NSD2: variants seen among roughly 807,000 people sequenced by gnomAD.
The protein encoded by NSD2 is histone-lysine N-methyltransferase NSD2.
A neutral mutation model predicts 139.0 loss-of-function variants in NSD2; 12 were observed. The observed-to-expected ratio is 0.09, with a 90% confidence interval of 0.06 to 0.14. NSD2 has a LOEUF of 0.14. Among genes scored for constraint, NSD2 ranks in the 10% least tolerant of loss-of-function variants. The pLI, the probability that NSD2 is intolerant of heterozygous loss-of-function variation, is 1.00. For synonymous variants in NSD2, 669 were observed against 648.7 expected, an observed-to-expected ratio of 1.03 and a Z score of -0.48; for missense variants, 1,155 against 1,745.0, an observed-to-expected ratio of 0.66 and a Z score of 6.02.
At chr4:1,969,427 C>G (rs1178012840) in intron 18 of NSD2, among the ~76,000 whole-genome samples, 4 of 152,106 alleles carry the variant, frequency 2.6e-5, no homozygotes, top group Non-Finnish European at 5.9e-5. Context: ...CAGCCAGGTG[C>G]AATGGCGTGT....
chr4:1,959,154 C>T (rs945502226), intron 16 of NSD2, among the ~76,000 whole-genome samples: 5 of 152,196 alleles, frequency 3.3e-5, no homozygotes, highest in Admixed American at 6.5e-5. Context: ...GCAATCAACA[C>T]GCTTTTTCTC....
chr4:1,876,930 G>C (rs1384651919), intron 1 of NSD2, among the ~76,000 whole-genome samples: 1 of 152,024 alleles, frequency 6.6e-6, no homozygotes, highest in African/African-American at 2.4e-5. Flanking sequence ...GAGGTCAGGA[G>C]TTCGAGACCA....
At chr4:1,932,314 C>T (rs1408733891) in intron 6 of NSD2, among the ~76,000 whole-genome samples, 3 of 151,522 alleles carry the variant, frequency 2.0e-5, no homozygotes, top group Admixed American at 6.6e-5. Flanking sequence ...TGGTGCATGC[C>T]TGTAATCCCA....
rs2108958623 is a variant in NSD2, at chr4:1,955,768, G to A, written c.2594G>A (p.Gly865Asp). 1 of 1,614,172 alleles carries A rather than the reference G, an allele frequency of 6.2e-7. No individual in the cohort carries two copies. The highest frequency in any genetic ancestry group is 1.1e-5 in the South Asian group (1 of 91,084). ...PDCLNIEMPD[G>D]SWFCNDCRAG... ...TGCCTGAACATCGAGATGCCTGACG[G>A]CAGCTGGTTCTGCAATGACTGCAGG... Residue 865 changes from glycine to aspartate, a missense_variant, in exon 14 of 22, where the codon GGC (glycine) becomes GAC (aspartate). Physicochemically the swap from Gly to Asp is moderately conservative, Grantham distance 94. Around this residue, in one of 8 missense-constraint regions of NSD2, gnomAD observed 139 missense variants for 485.8 expected, o/e 0.29. Coordinates refer to ENST00000508803, the MANE Select transcript of NSD2 (RefSeq NM_001042424.3). The surrounding 1 kb of genome is among the most constrained non-coding windows in gnomAD (Gnocchi z 4.7).
intron 6 of NSD2, among the ~76,000 whole-genome samples, chr4:1,934,719 G>A (rs1331715196): frequency 1.4e-5 from 2 of 146,888 alleles, no homozygotes; most frequent in African/African-American, 2.5e-5. Flanking sequence ...GTGGTGGCAC[G>A]TGCCTGTAAT....
chr4:1,957,036 G>C (rs577901538), intron 15 of NSD2, among the ~76,000 whole-genome samples: 1 of 152,312 alleles, frequency 6.6e-6, no homozygotes, highest in South Asian at 2.1e-4. Flanking sequence ...TTATGTGTTT[G>C]CTGCGACTGT....
chr4:1,962,134 C>G (rs1387749715), intron 18 of NSD2, among the ~76,000 whole-genome samples: 1 of 152,232 alleles, frequency 6.6e-6, no homozygotes, highest in African/African-American at 2.4e-5. Context: ...CCTGGGGAAG[C>G]TATATCCCCT....
intron 1 of NSD2, among the ~76,000 whole-genome samples, chr4:1,888,373 A>T (rs1715272920): frequency 7.7e-6 from 1 of 130,282 alleles, no homozygotes; most frequent in African/African-American, 2.8e-5. Context: ...AGATCAGGCC[A>T]CTGCACTCCA....
rs61397233 is a variant in NSD2, at chr4:1,888,410, CAAAA to C, written c.-29-12192_-29-12189del. 6.1e-3 allele frequency among the ~76,000 whole-genome samples: 327 copies of C among 53,206 alleles called. 1 individual carries two copies. Among genetic ancestry groups the C allele is most frequent in the African/African-American group, 0.024 (313 of 13,252 alleles). 34.9% of individuals were successfully genotyped at this position (53,206 alleles called of 152,430 possible). On this transcript the variant is annotated intron_variant, in intron 1 of 21. Coordinates refer to ENST00000508803, the MANE Select transcript of NSD2 (RefSeq NM_001042424.3). ...CCTGGGTGACAGAGCGAGATTGCCT[CAAAA>C]AAAAAAAAAAAAAAAAAAAAAAAGA...
At chr4:1,910,246 G>A (rs1241366593) in intron 3 of NSD2, among the ~76,000 whole-genome samples, 2 of 148,660 alleles carry the variant, frequency 1.3e-5, no homozygotes, top group Non-Finnish European at 1.5e-5. Context: ...TTTTTTTTTC[G>A]AGACAGTCTT....
chr4:1,871,837 GGGGCGGCGGCCTGC>G (rs1335679820), intron 1 of NSD2, among the ~76,000 whole-genome samples: 5 of 148,676 alleles, frequency 3.4e-5, no homozygotes, highest in Admixed American at 1.3e-4. Context: ...GGGCAGGGGA[GGGGCGGCGGCCTGC>G]GGGCGGCGGC....
At chr4:1,879,497 G>T (rs375547934) in intron 1 of NSD2, among the ~76,000 whole-genome samples, 4 of 152,088 alleles carry the variant, frequency 2.6e-5, no homozygotes, top group Admixed American at 2.6e-4. Flanking sequence ...GGGATTACAG[G>T]CTTGAGCCAC....
chr4:1,907,545 AG>A lies in NSD2; in HGVS notation c.760+3168del, dbSNP rs376700701. On this transcript the variant is annotated intron_variant, in intron 3 of 21. Transcript: ENST00000508803. ...AAAAACTTTCAAGTCAAAGTAAAAC[AG>A]CACAGCAGACACCTATCCCCTCATC... is the stretch of plus-strand genomic sequence containing the variant. Among the ~76,000 whole-genome samples, 92 of 151,916 alleles carry A rather than the reference AG, an allele frequency of 6.1e-4. 1 individual carries two copies. The East Asian group carries it at 0.017, about 28-fold the overall frequency.
At chr4:1,918,737 A>G (rs931894149) in intron 5 of NSD2, 114 bp downstream of exon 5, 10 of 1,400,382 alleles carry the variant, frequency 7.1e-6, no homozygotes, top group South Asian at 1.5e-5. Flanking sequence ...TGAGCCTTGC[A>G]TAGATTTTAG....
intron 21 of NSD2, among the ~76,000 whole-genome samples, chr4:1,977,820 AC>A (rs1727263126): frequency 6.6e-6 from 1 of 150,720 alleles, no homozygotes; most frequent in South Asian, 2.1e-4. Flanking sequence ...CAAACAAAAA[AC>A]AAAACTATAA....
chr4:1,950,219 T>C (rs1724064938), intron 9 of NSD2, among the ~76,000 whole-genome samples: 1 of 152,200 alleles, frequency 6.6e-6, no homozygotes, highest in Non-Finnish European at 1.5e-5. Flanking sequence ...TGAAATGCTG[T>C]GTATGTGAGG....
chr4:1,879,344 A>G (rs979966054), intron 1 of NSD2, among the ~76,000 whole-genome samples: 6 of 151,838 alleles, frequency 4.0e-5, no homozygotes, highest in Admixed American at 3.3e-4. Flanking sequence ...TCAGCCTCCC[A>G]AGTAGCTGGG....
At chr4:1,938,412 CTTTCTTTTTTTTTTTTT>C (rs1722693757) in intron 7 of NSD2, 22 bp from the exon 8 acceptor site, 6 of 645,094 alleles carry the variant, frequency 9.3e-6, no homozygotes, top group Non-Finnish European at 1.2e-5. Context: ...TTTTTTTTTT[CTTTCTTTTTTTTTTTTT>C]TTTTTTTTTT....
chr4:1,885,848 G>A (rs917125641), intron 1 of NSD2, among the ~76,000 whole-genome samples: 3 of 152,068 alleles, frequency 2.0e-5, no homozygotes, highest in Non-Finnish European at 4.4e-5. Flanking sequence ...GAATGATATA[G>A]AAAAACTGAG....
Sources: allele counts gnomAD v4.1 joint callset (sites outside exome capture counted in the v4.1 genomes callset), GRCh38; gene constraint gnomAD v4.1.1; regional missense constraint gnomAD v4.1.1; non-coding constraint Gnocchi (gnomAD v3.1); transcripts MANE v1.5; gene names NCBI Gene and HGNC (gene_info 2026-07-23, HGNC 2026-07-21).